FOXN3: variants seen among roughly 807,000 people sequenced by gnomAD.
FOXN3 encodes the protein forkhead box N3.
FOXN3 carries 7 observed loss-of-function variants against 38.4 expected under a neutral mutation model. That is an observed-to-expected ratio of 0.18 (90% CI 0.10 to 0.34). FOXN3 has a LOEUF of 0.34. Among genes scored for constraint, FOXN3 ranks in the 10% least tolerant of loss-of-function variants. The pLI is 1.00. For synonymous variants in FOXN3, 230 were observed against 242.2 expected, an observed-to-expected ratio of 0.95 and a Z score of 0.47; for missense variants, 456 against 613.4, an observed-to-expected ratio of 0.74 and a Z score of 2.71.
At chr14:89,531,263 C>G (rs1473762763) in intron 1 of FOXN3, among the ~76,000 whole-genome samples, 2 of 151,918 alleles carry the variant, frequency 1.3e-5, no homozygotes, top group African/African-American at 4.8e-5. Context: ...GCCCTGTGAA[C>G]AAATCTCTCA....
At chr14:89,373,335 T>C (rs1053205595) in intron 2 of FOXN3, among the ~76,000 whole-genome samples, 1 of 151,240 alleles carries the variant, frequency 6.6e-6, no homozygotes, top group Non-Finnish European at 1.5e-5. Context: ...AGACCTGAGT[T>C]CTATAGTGGG....
chr14:89,197,069 C>T (rs1439613158), intron 4 of FOXN3, among the ~76,000 whole-genome samples: 1 of 152,186 alleles, frequency 6.6e-6, no homozygotes, highest in Non-Finnish European at 1.5e-5. Context: ...TTTTGTTTCT[C>T]CAGCTCTCTC....
chr14:89,618,329 G>C (rs2139965351), intron 1 of FOXN3, among the ~76,000 whole-genome samples: 1 of 152,258 alleles, frequency 6.6e-6, no homozygotes, highest in Non-Finnish European at 1.5e-5. Flanking sequence ...ATGTCATCCC[G>C]GGAGTATAAA....
intron 2 of FOXN3, among the ~76,000 whole-genome samples, chr14:89,352,777 C>T (rs745529848): frequency 3.9e-5 from 6 of 152,150 alleles, no homozygotes; most frequent in Non-Finnish European, 8.8e-5. Context: ...GAAGGACAAC[C>T]GGTTGGCCTT....
chr14:89,388,982 T>C (rs1890863354), intron 2 of FOXN3, among the ~76,000 whole-genome samples: 1 of 151,984 alleles, frequency 6.6e-6, no homozygotes, highest in Non-Finnish European at 1.5e-5. Context: ...AACTGGGCCA[T>C]CTGAGGCTCT....
chr14:89,244,143 G>C (rs573676960), intron 4 of FOXN3, among the ~76,000 whole-genome samples: 10 of 152,278 alleles, frequency 6.6e-5, no homozygotes, highest in Admixed American at 4.6e-4. Flanking sequence ...CAGAACTGAG[G>C]TGAAATCACC....
intron 4 of FOXN3, among the ~76,000 whole-genome samples, chr14:89,198,082 A>G (rs1333497458): frequency 6.6e-6 from 1 of 152,206 alleles, no homozygotes; most frequent in Admixed American, 6.5e-5. Flanking sequence ...GGATTTCATC[A>G]GCAAAGGATC....
At chr14:89,470,213 C>T (rs1177902989) in intron 1 of FOXN3, among the ~76,000 whole-genome samples, 1 of 152,080 alleles carries the variant, frequency 6.6e-6, no homozygotes, top group Non-Finnish European at 1.5e-5. Flanking sequence ...TGATACTCAT[C>T]ACACATTAGA....
At chr14:89,586,847 C>A (rs943895225) in intron 1 of FOXN3, among the ~76,000 whole-genome samples, 1 of 151,880 alleles carries the variant, frequency 6.6e-6, no homozygotes, top group African/African-American at 2.4e-5. Flanking sequence ...CCTATCAATG[C>A]AAAAAGGGAA....
intron 3 of FOXN3, among the ~76,000 whole-genome samples, chr14:89,320,310 T>G (rs1010923595): frequency 6.6e-6 from 1 of 152,252 alleles, no homozygotes; most frequent in Admixed American, 6.5e-5. Flanking sequence ...TTCTATCTAT[T>G]GGCAGAAAAC....
intron 4 of FOXN3, among the ~76,000 whole-genome samples, chr14:89,237,582 C>T (rs10150563): frequency 0.038 from 5,734 of 152,200 alleles, 330 homozygotes; most frequent in African/African-American, 0.13. Context: ...AAGATGTTAC[C>T]GCTGGGAGAA....
intron 1 of FOXN3, among the ~76,000 whole-genome samples, chr14:89,604,919 C>T (rs537126792): frequency 6.6e-6 from 1 of 152,152 alleles, no homozygotes; most frequent in South Asian, 2.1e-4. Flanking sequence ...TAACTTTATA[C>T]CTGGCAAAAA....
chr14:89,374,915 T>C (rs1890429451), intron 2 of FOXN3, among the ~76,000 whole-genome samples: 1 of 149,952 alleles, frequency 6.7e-6, no homozygotes, highest in African/African-American at 2.5e-5. Flanking sequence ...AGGTGGAGAT[T>C]GCAGGGAGCT....
Position 89,327,674 on chromosome 14 carries a change from T to C in FOXN3, c.680+22998A>G, listed in dbSNP as rs59323476. Among the ~76,000 whole-genome samples, 1,325 of 152,274 alleles carry C rather than the reference T, an allele frequency of 8.7e-3. 20 individuals are homozygous for C. The highest frequency in any genetic ancestry group is 0.031 in the African/African-American group (1,277 of 41,546). On this transcript the variant is annotated intron_variant, in intron 3 of 5. Coordinates refer to ENST00000557258, the MANE Select transcript of FOXN3 (RefSeq NM_005197.4). ...TTACCCCTCAGATGGGGCCTCAAAG[T>C]GTTGCTAGGCTTCTGACCATACCAG...
chr14:89,394,905 T>A (rs1025749073), intron 2 of FOXN3, among the ~76,000 whole-genome samples: 2 of 152,238 alleles, frequency 1.3e-5, no homozygotes, highest in Non-Finnish European at 2.9e-5. Flanking sequence ...AGGGATCTCC[T>A]AGAATTGTAA....
intron 2 of FOXN3, among the ~76,000 whole-genome samples, chr14:89,382,711 A>G (rs964812796): frequency 6.6e-6 from 1 of 152,208 alleles, no homozygotes; most frequent in Non-Finnish European, 1.5e-5. Flanking sequence ...TTCCTCATCC[A>G]TAAAATGGAA....
At chr14:89,292,032 A>T (rs1352765398) in intron 3 of FOXN3, among the ~76,000 whole-genome samples, 1 of 152,034 alleles carries the variant, frequency 6.6e-6, no homozygotes, top group Non-Finnish European at 1.5e-5. Flanking sequence ...TCAAGTCCCA[A>T]ACCTCCCGCT....
intron 3 of FOXN3, among the ~76,000 whole-genome samples, chr14:89,343,650 C>A (rs1186547597): frequency 8.3e-6 from 1 of 120,330 alleles, no homozygotes; most frequent in African/African-American, 3.1e-5. Flanking sequence ...TTCTTTTTTG[C>A]GGCTCGTTAA....
At chr14:89,178,183 T>G (rs1427527158) in intron 5 of FOXN3, among the ~76,000 whole-genome samples, 2 of 151,896 alleles carry the variant, frequency 1.3e-5, no homozygotes, top group Non-Finnish European at 2.9e-5. Context: ...ATTTTTTTTT[T>G]TTTTTTAAAT....
Sources: gnomAD v4.1 joint callset for allele counts (sites outside exome capture counted in the v4.1 genomes callset) on GRCh38, gnomAD v4.1.1 for gene constraint, MANE v1.5 for transcripts, NCBI Gene and HGNC (gene_info 2026-07-23, HGNC 2026-07-21) for gene names.